The following APELA variants were observed in gnomAD, a reference collection of about 807,000 sequenced individuals.
APELA encodes the protein protein Elabela.
intron 2 of APELA, among the ~76,000 whole-genome samples, chr4:164,891,572 T>C (rs112427885): frequency 4.5e-4 from 69 of 152,322 alleles, no homozygotes; most frequent in African/African-American, 1.2e-3. Flanking sequence ...GGAATTTTCT[T>C]AATTTCATTT....
chr4:164,882,751 C>T (rs745335212), intron 2 of APELA, among the ~76,000 whole-genome samples: 1 of 152,046 alleles, frequency 6.6e-6, no homozygotes. Context: ...CCCCACTCCC[C>T]CCACCCCACA....
chr4:164,885,493 C>A (rs1473159191), intron 2 of APELA, among the ~76,000 whole-genome samples: 1 of 151,854 alleles, frequency 6.6e-6, no homozygotes, highest in African/African-American at 2.4e-5. Flanking sequence ...ATAATCCCAG[C>A]ACTTTGGGAG....
rs960838006 is a variant in APELA, at chr4:164,896,898, C to A, written c.*1484C>A. The A allele has an allele frequency of 2.6e-5, 4 of 152,092 alleles. No homozygotes were observed. Among genetic ancestry groups the A allele is most frequent in the African/African-American group, 9.7e-5 (4 of 41,386 alleles). The allele number at this position is 152,092 out of a possible 1,614,324, so 9.4% of individuals were successfully genotyped here. A position where few individuals can be genotyped will look rare whatever the true frequency, so the allele number is the denominator to read the frequency against. On this transcript the variant is annotated 3_prime_UTR_variant, in exon 3 of 3. Transcript: ENST00000507152. ...AAGCGATCCTTCCACCTCAGCCTCC[C>A]AAGTACCTGGGACTACAGGCACTCA...
chr4:164,880,622 A>T (rs917085418), intron 2 of APELA, among the ~76,000 whole-genome samples: 2 of 152,244 alleles, frequency 1.3e-5, no homozygotes, highest in Admixed American at 1.3e-4. Context: ...GCACTCCTTC[A>T]TAAATAACAA....
At chr4:164,880,359 A>G (rs1189993583) in intron 2 of APELA, among the ~76,000 whole-genome samples, 4 of 152,244 alleles carry the variant, frequency 2.6e-5, no homozygotes, top group African/African-American at 4.8e-5. Flanking sequence ...CTCTATGTCT[A>G]TATCTGTAAC....
At chr4:164,880,470 A>G (rs1397645711) in intron 2 of APELA, among the ~76,000 whole-genome samples, 1 of 152,210 alleles carries the variant, frequency 6.6e-6, no homozygotes, top group African/African-American at 2.4e-5. Flanking sequence ...GGTGATTGAA[A>G]CATGCTTTAA....
intron 2 of APELA, among the ~76,000 whole-genome samples, chr4:164,891,107 A>G (rs940460714): frequency 1.4e-4 from 21 of 152,066 alleles, no homozygotes; most frequent in Admixed American, 3.3e-4. Flanking sequence ...ATATATATAT[A>G]TGTGTGTGTA....
intron 2 of APELA, among the ~76,000 whole-genome samples, chr4:164,885,442 C>T (rs1047496206): frequency 3.3e-5 from 5 of 149,932 alleles, no homozygotes; most frequent in African/African-American, 9.8e-5. Context: ...CATAATGTTG[C>T]TAAAAGATGT....
chr4:164,888,700 C>A (rs138181561), intron 2 of APELA, among the ~76,000 whole-genome samples: 10 of 152,322 alleles, frequency 6.6e-5, no homozygotes, highest in African/African-American at 2.2e-4. Context: ...AACCTTCACA[C>A]CTCCACTTTT....
chr4:164,884,111 AAGAAAGAAAG>A (rs779311879), intron 2 of APELA, among the ~76,000 whole-genome samples: 5,528 of 46,152 alleles, frequency 0.12, 203 homozygotes, highest in African/African-American at 0.21. Flanking sequence ...GAATGAAAGA[AAGAAAGAAAG>A]AGAAAGAAAG....
intron 2 of APELA, among the ~76,000 whole-genome samples, chr4:164,890,024 A>G (rs1730850063): frequency 6.6e-6 from 1 of 152,214 alleles, no homozygotes; most frequent in Non-Finnish European, 1.5e-5. Flanking sequence ...ACCAGTTCCC[A>G]GGGATACTGA....
intron 2 of APELA, among the ~76,000 whole-genome samples, chr4:164,880,790 T>C (rs1560856830): frequency 6.6e-6 from 1 of 152,158 alleles, no homozygotes; most frequent in Non-Finnish European, 1.5e-5. Flanking sequence ...ATAGTGAAAT[T>C]TGAATTTTTA....
At position 164,877,312 on chromosome 4, in the gene APELA, T is replaced by C. The variant is rs1342930125; in HGVS notation, c.-20T>C. On this transcript the variant is annotated 5_prime_UTR_variant, in exon 1 of 3. Transcript: ENST00000507152. ...TGGTTTACATTGAGAGTCATTGCTC[T>C]ACTTTTGTGCGGTAGGAAAATGAGA... 3 of 398,910 alleles carry C rather than the reference T, an allele frequency of 7.5e-6. No homozygotes were observed. Among genetic ancestry groups the C allele is most frequent in the African/African-American group, 6.2e-5 (3 of 48,640 alleles). The allele number at this position is 398,910 out of a possible 1,614,324, so 24.7% of individuals were successfully genotyped here. A position where few individuals can be genotyped will look rare whatever the true frequency, so the allele number is the denominator to read the frequency against.
intron 2 of APELA, among the ~76,000 whole-genome samples, chr4:164,883,983 A>G (rs571422021): frequency 1.3e-5 from 2 of 151,670 alleles, no homozygotes; most frequent in South Asian, 4.2e-4. Flanking sequence ...GAGAAGAAAT[A>G]AAAAGAAGAG....
chr4:164,881,492 A>C (rs567040131), intron 2 of APELA, among the ~76,000 whole-genome samples: 1 of 152,094 alleles, frequency 6.6e-6, no homozygotes, highest in Non-Finnish European at 1.5e-5. Context: ...AACTGAATTA[A>C]TTACACAGAA....
At position 164,896,263 on chromosome 4, in the gene APELA, A is replaced by G. The variant is rs1056861763; in HGVS notation, c.*849A>G. 4.6e-5 allele frequency: 7 copies of G among 152,092 alleles called. No individual in the cohort carries two copies. Among genetic ancestry groups the G allele is most frequent in the African/African-American group, 7.2e-5 (3 of 41,416 alleles). 9.4% of individuals were successfully genotyped at this position (152,092 alleles called of 1,614,324 possible). On this transcript the variant is annotated 3_prime_UTR_variant, in exon 3 of 3. Transcript: ENST00000507152. ...AGGTGTGCACCACTACACCCAGCTA[A>G]TTCTTGTATTTTTTGTAGAGATGAG...
chr4:164,897,913 T>C (rs1731004594), downstream of APELA, among the ~76,000 whole-genome samples: 1 of 152,162 alleles, frequency 6.6e-6, no homozygotes, highest in Non-Finnish European at 1.5e-5. Flanking sequence ...TTCTTGGAGA[T>C]AGAGTCTCAC....
chr4:164,898,645 T>C (rs1399910714), downstream of APELA: 1 of 152,120 alleles, frequency 6.6e-6, no homozygotes, highest in East Asian at 1.9e-4. Context: ...GTTGAGTCAG[T>C]GAATAGACCA....
rs535730361 is a variant in APELA, at chr4:164,891,423, T to A, written c.*2-3993T>A. 1.4e-4 allele frequency among the ~76,000 whole-genome samples: 22 copies of A among 152,294 alleles called. No homozygotes were observed. In the East Asian group the frequency reaches 4.2e-3, roughly 29 times the overall value. ...GTATTGCCATTTTGACAAAATTAAG[T>A]CTTCCAATACATGAAATGGAATGTA... On this transcript the variant is annotated intron_variant, in intron 2 of 2. Transcript: ENST00000507152.
Sources: gnomAD v4.1 joint callset for allele counts (sites outside exome capture counted in the v4.1 genomes callset) on GRCh38, gnomAD v4.1.1 for gene constraint, MANE v1.5 for transcripts, NCBI Gene and HGNC (gene_info 2026-07-23, HGNC 2026-07-21) for gene names.